Variants in PPM1L observed in about 807,000 individuals in gnomAD.
PPM1L encodes protein phosphatase, Mg2+/Mn2+ dependent 1L, also known as protein phosphatase 1L.
A neutral mutation model predicts 31.4 loss-of-function variants in PPM1L; 13 were observed. The observed-to-expected ratio is 0.41, with a 90% CI of 0.27 to 0.66. The LOEUF (loss-of-function observed/expected upper bound fraction) is 0.66, where lower values mean the gene tolerates loss of function less well. Ranked by LOEUF, PPM1L falls within the 30% of genes least tolerant of loss-of-function variation. PPM1L has a pLI of 0.29. For synonymous variants in PPM1L, 184 were observed against 175.4 expected, an observed-to-expected ratio of 1.05 and a Z score of -0.39; for missense variants, 326 against 453.7, an observed-to-expected ratio of 0.72 and a Z score of 2.56.
At chr3:160,931,495 A>G (rs1405875279) in intron 1 of PPM1L, among the ~76,000 whole-genome samples, 3 of 152,230 alleles carry the variant, frequency 2.0e-5, no homozygotes, top group African/African-American at 7.2e-5. Flanking sequence ...AGAGTTTGCT[A>G]TCTAATGGGG....
intron 2 of PPM1L, among the ~76,000 whole-genome samples, chr3:161,004,911 T>C (rs1298531808): frequency 6.6e-6 from 1 of 152,204 alleles, no homozygotes; most frequent in Non-Finnish European, 1.5e-5. Flanking sequence ...CTTGCTTTTC[T>C]AGTTCTTTTA....
chr3:160,886,881 A>C (rs1369097407), intron 1 of PPM1L, among the ~76,000 whole-genome samples: 1 of 152,092 alleles, frequency 6.6e-6, no homozygotes, highest in Non-Finnish European at 1.5e-5. Context: ...ACAGAAGTAG[A>C]CTTCAGAAGG....
At chr3:160,855,972 G>A (rs756610862) in intron 1 of PPM1L, among the ~76,000 whole-genome samples, 3 of 152,044 alleles carry the variant, frequency 2.0e-5, no homozygotes, top group Non-Finnish European at 2.9e-5. Context: ...CCCACAATAG[G>A]CTGTCTGCAA....
At chr3:160,973,273 A>T (rs1314322821) in intron 2 of PPM1L, among the ~76,000 whole-genome samples, 1 of 152,232 alleles carries the variant, frequency 6.6e-6, no homozygotes, top group Non-Finnish European at 1.5e-5. Context: ...CAAGGGAAGT[A>T]GTGTTACTTC....
intron 2 of PPM1L, among the ~76,000 whole-genome samples, chr3:161,026,871 AG>A (rs1012069396): frequency 5.9e-5 from 9 of 152,182 alleles, no homozygotes; most frequent in African/African-American, 2.2e-4. Context: ...TAAATCCTGG[AG>A]GCTATTGCTC....
At chr3:161,012,020 G>A (rs996316529) in intron 2 of PPM1L, among the ~76,000 whole-genome samples, 1 of 152,154 alleles carries the variant, frequency 6.6e-6, no homozygotes, top group East Asian at 1.9e-4. Context: ...TCTTTCTCCT[G>A]CCTAATTGCC....
rs558625595 is a variant in PPM1L, at chr3:160,972,856, C to T, written c.574+10946C>T. 9.2e-5 allele frequency among the ~76,000 whole-genome samples: 14 copies of T among 152,244 alleles called. No individual in the cohort carries two copies. The East Asian group carries it at 2.1e-3, about 23-fold the overall frequency. Reference sequence around the variant, plus strand: ...TCCTATTTCTCCACATCCTCTCCAGCACCTGTTGTTTCCTGACTTTTTAAT... The same window carrying T: ...TCCTATTTCTCCACATCCTCTCCAGTACCTGTTGTTTCCTGACTTTTTAAT... On this transcript the variant is annotated intron_variant, in intron 2 of 3. Transcript: ENST00000498165.
Position 161,074,505 on chromosome 3 carries a change from T to C in PPM1L, c.*5348T>C, listed in dbSNP as rs997287476. 2 of 152,218 alleles carry C rather than the reference T, an allele frequency of 1.3e-5. No homozygotes were observed. The highest frequency in any genetic ancestry group is 2.9e-5 in the Non-Finnish European group (2 of 68,032). 9.4% of individuals were successfully genotyped at this position (152,218 alleles called of 1,614,324 possible). On this transcript the variant is annotated 3_prime_UTR_variant, in exon 4 of 4. Coordinates refer to ENST00000498165, the MANE Select transcript of PPM1L (RefSeq NM_139245.4). ...CCTCTGCACATTATCCAAAATATTT[T>C]AAAAAACTAAAAGTAAGATCTCTTA...
In PPM1L at chr3:160,869,744, A is replaced by G. The variant is rs948800422; in HGVS notation, c.400-91992A>G. Among the ~76,000 whole-genome samples, 6 of 144,598 alleles carry G rather than the reference A, an allele frequency of 4.1e-5. 1 individual carries two copies. The South Asian group carries it at 1.1e-3, about 27-fold the overall frequency. The allele number at this position is 144,598 out of a possible 152,430, so 94.9% of individuals were successfully genotyped here. A position where few individuals can be genotyped will look rare whatever the true frequency, so the allele number is the denominator to read the frequency against. On this transcript the variant is annotated intron_variant, in intron 1 of 3. Transcript: ENST00000498165. ...TGTGTGTGTGTGTGTGTGTGTGTGT[A>G]CAAATATTTGTAGGTATGTAAATTG...
chr3:160,923,053 G>A (rs1314691825), intron 1 of PPM1L, among the ~76,000 whole-genome samples: 22 of 152,156 alleles, frequency 1.4e-4, no homozygotes, highest in Non-Finnish European at 1.5e-5. Flanking sequence ...GAATTAACAT[G>A]GAGATTATTA....
chr3:160,838,674 G>GT (rs1713785874), intron 1 of PPM1L, among the ~76,000 whole-genome samples: 1 of 152,110 alleles, frequency 6.6e-6, no homozygotes, highest in Non-Finnish European at 1.5e-5. Flanking sequence ...AATATAAGAA[G>GT]TGACCATTCA....
intron 1 of PPM1L, among the ~76,000 whole-genome samples, chr3:160,862,574 C>A (rs1711931758): frequency 6.6e-6 from 1 of 151,328 alleles, no homozygotes; most frequent in Non-Finnish European, 1.5e-5. Flanking sequence ...TTTTGAGCAA[C>A]CTGTTTGACT....
At chr3:160,882,596 C>T (rs1712762497) in intron 1 of PPM1L, among the ~76,000 whole-genome samples, 2 of 152,182 alleles carry the variant, frequency 1.3e-5, no homozygotes, top group Non-Finnish European at 2.9e-5. Context: ...CACTTAATTA[C>T]ATCTGCAAAG....
intron 1 of PPM1L, among the ~76,000 whole-genome samples, chr3:160,811,990 T>C (rs1712822864): frequency 6.6e-6 from 1 of 152,198 alleles, no homozygotes; most frequent in Middle Eastern, 3.2e-3. Context: ...TTTTATTACT[T>C]CAATCCCAAA....
intron 2 of PPM1L, among the ~76,000 whole-genome samples, chr3:161,008,419 A>G (rs553756408): frequency 1.5e-4 from 23 of 152,356 alleles, no homozygotes; most frequent in African/African-American, 5.5e-4. Flanking sequence ...GTTGAATCTA[A>G]GCATAAAAAT....
intron 1 of PPM1L, among the ~76,000 whole-genome samples, chr3:160,882,509 C>T (rs12374096): frequency 6.6e-6 from 1 of 152,058 alleles, no homozygotes; most frequent in South Asian, 2.1e-4. Flanking sequence ...TATGTAAAAT[C>T]AAAAAGATAT....
At chr3:160,784,002 T>C (rs1455778321) in intron 1 of PPM1L, among the ~76,000 whole-genome samples, 1 of 152,222 alleles carries the variant, frequency 6.6e-6, no homozygotes, top group Non-Finnish European at 1.5e-5. Flanking sequence ...GAATATAATT[T>C]ATGTGAATTG....
In PPM1L at chr3:160,961,790, C is replaced by T; in HGVS notation, c.454C>T (p.Gln152Ter). 2 of 1,603,968 alleles carry T rather than the reference C, an allele frequency of 1.2e-6. No homozygotes were observed. The highest frequency in any genetic ancestry group is 1.7e-6 in the Non-Finnish European group (2 of 1,175,874). Residue 152 changes from glutamine (Q) to a stop codon, truncating the protein, a stop_gained, in exon 2 of 4, where the codon CAG (glutamine) becomes TAG (stop). Coordinates refer to ENST00000498165, the MANE Select transcript of PPM1L (RefSeq NM_139245.4). LOFTEE classifies it high-confidence loss of function. ...RLPEALKQHL[Q>*]DYEKDKENSV... Reference sequence around the variant, plus strand: ...CCCAGAGGCCCTTAAACAGCATCTTCAGGACTACGAGAAAGACAAAGAAAA... The same window carrying T: ...CCCAGAGGCCCTTAAACAGCATCTTTAGGACTACGAGAAAGACAAAGAAAA...
intron 1 of PPM1L, among the ~76,000 whole-genome samples, chr3:160,799,510 T>G (rs1712360567): frequency 6.6e-6 from 1 of 152,238 alleles, no homozygotes; most frequent in Non-Finnish European, 1.5e-5. Flanking sequence ...ATAATGCTAT[T>G]GTACACTTAA....
Sources: gnomAD v4.1 joint callset for allele counts (sites outside exome capture counted in the v4.1 genomes callset) on GRCh38, gnomAD v4.1.1 for gene constraint, MANE v1.5 for transcripts, NCBI Gene and HGNC (gene_info 2026-07-23, HGNC 2026-07-21) for gene names.